The following DCDC2C variants were observed in gnomAD, a reference collection of about 807,000 sequenced individuals.
DCDC2C encodes the protein doublecortin domain-containing protein 2C.
A neutral mutation model predicts 45.0 loss-of-function variants in DCDC2C; 44 were observed. The ratio of observed to expected loss-of-function variants is 0.98; its 90% CI spans 0.77 to 1.26. The LOEUF is 1.26. Ranked by LOEUF, DCDC2C falls within the 50% of genes most tolerant of loss-of-function variation. The pLI is 0.00. For missense variants in DCDC2C, 447 were observed against 468.9 expected (o/e 0.95, Z 0.43); for synonymous variants, 187 against 178.8 (o/e 1.05, Z -0.37).
chr2:3,830,915 C>T (rs1214046784), intron 10 of DCDC2C, among the ~76,000 whole-genome samples: 1 of 152,228 alleles, frequency 6.6e-6, no homozygotes, highest in Non-Finnish European at 1.5e-5. Flanking sequence ...GCCGAACTCA[C>T]TCACTTCCTG....
intron 7 of DCDC2C, 63 bp from the exon 8 acceptor site, chr2:3,769,248 A>T (rs1670095572): frequency 6.8e-7 from 1 of 1,480,734 alleles, no homozygotes; most frequent in Non-Finnish European, 9.2e-7. Context: ...GGGTCAGGAA[A>T]TATGCAGTGG....
chr2:3,746,943 A>G (rs1298241988), intron 4 of DCDC2C, among the ~76,000 whole-genome samples: 1 of 152,058 alleles, frequency 6.6e-6, no homozygotes, highest in Non-Finnish European at 1.5e-5. Context: ...CTGTGTGGAC[A>G]ATGGCCTGGC....
chr2:3,778,905 G>A (rs1670431477), intron 9 of DCDC2C, 21 bp downstream of exon 9: 1 of 1,548,988 alleles, frequency 6.5e-7, no homozygotes. Context: ...TTTATTTTGT[G>A]TTTAATGGCT....
At chr2:3,726,331 C>G (rs928541343) in intron 2 of DCDC2C, among the ~76,000 whole-genome samples, 1 of 152,104 alleles carries the variant, frequency 6.6e-6, no homozygotes, top group Non-Finnish European at 1.5e-5. Context: ...CCAATCAGAG[C>G]TCCCCCCATT....
At chr2:3,762,379 G>T (rs1669902237) in intron 6 of DCDC2C, among the ~76,000 whole-genome samples, 1 of 152,062 alleles carries the variant, frequency 6.6e-6, no homozygotes, top group Non-Finnish European at 1.5e-5. Flanking sequence ...AGGAAGCTGT[G>T]TGTATTCATT....
chr2:3,769,563 A>T (rs1465398425), intron 8 of DCDC2C, among the ~76,000 whole-genome samples, 152 bp downstream of exon 8: 2 of 152,032 alleles, frequency 1.3e-5, no homozygotes, highest in Non-Finnish European at 2.9e-5. Context: ...CTCATCTCAG[A>T]TCCTGTGTTA....
intron 8 of DCDC2C, among the ~76,000 whole-genome samples, chr2:3,771,264 G>A (rs1180018077): frequency 6.6e-6 from 1 of 152,202 alleles, no homozygotes. Flanking sequence ...GCCTCACCTT[G>A]TCTCCCACTC....
chr2:3,789,946 C>T (rs140109187), intron 10 of DCDC2C, among the ~76,000 whole-genome samples: 80 of 152,286 alleles, frequency 5.3e-4, no homozygotes, highest in African/African-American at 1.3e-3. Context: ...GATTGATTAA[C>T]GTTGTGTGCT....
At position 3,727,092 on chromosome 2, in the gene DCDC2C, T is replaced by C. The variant is rs754218001; in HGVS notation, c.416+13T>C. The C allele has an allele frequency of 1.3e-6, 2 of 1,543,662 alleles. No individual in the cohort carries two copies. Among genetic ancestry groups the C allele is most frequent in the South Asian group, 1.2e-5 (1 of 83,768 alleles). Reference sequence around the variant, plus strand: ...CTCGACATATAAAGTGAGTATAATATTATGGGTGAAAAAATCAAACTGTGC... The same window carrying C: ...CTCGACATATAAAGTGAGTATAATACTATGGGTGAAAAAATCAAACTGTGC... On this transcript the variant is annotated intron_variant, in intron 3 of 10. Coordinates refer to ENST00000399143, the MANE Select transcript of DCDC2C (RefSeq NM_001287444.2).
At chr2:3,837,430 G>A (rs181148052) in intron 10 of DCDC2C, among the ~76,000 whole-genome samples, 95 of 152,224 alleles carry the variant, frequency 6.2e-4, no homozygotes, top group Middle Eastern at 3.4e-3. Flanking sequence ...GAATGGAGAC[G>A]CCAGGCACAG....
intron 10 of DCDC2C, among the ~76,000 whole-genome samples, chr2:3,816,862 C>T (rs1671570847): frequency 6.6e-6 from 1 of 152,154 alleles, no homozygotes; most frequent in South Asian, 2.1e-4. Context: ...AGTAGAATAG[C>T]AGATGGAACA....
chr2:3,755,474 T>TAC (rs397970831), intron 6 of DCDC2C, among the ~76,000 whole-genome samples: 5 of 151,270 alleles, frequency 3.3e-5, no homozygotes. Flanking sequence ...TATGGAGACA[T>TAC]GTGTGCATGT....
intron 3 of DCDC2C, among the ~76,000 whole-genome samples, chr2:3,739,127 A>C (rs6717145): frequency 0.021 from 3,220 of 152,346 alleles, 115 homozygotes; most frequent in African/African-American, 0.072. Flanking sequence ...ATTCAAAAAA[A>C]TTTACAGATT....
chr2:3,789,404 T>C (rs11887746), intron 10 of DCDC2C, among the ~76,000 whole-genome samples: 55,201 of 151,992 alleles, frequency 0.36, 10,457 homozygotes, highest in East Asian at 0.53. Flanking sequence ...TATACTGTAT[T>C]TATTTATATT....
At chr2:3,731,348 A>G (rs1668861961) in intron 3 of DCDC2C, among the ~76,000 whole-genome samples, 1 of 152,152 alleles carries the variant, frequency 6.6e-6, no homozygotes, top group East Asian at 1.9e-4. Context: ...AGTTTGTCAC[A>G]TTTAGCCATT....
At chr2:3,792,236 G>C (rs1670830491) in intron 10 of DCDC2C, among the ~76,000 whole-genome samples, 1 of 152,188 alleles carries the variant, frequency 6.6e-6, no homozygotes, top group South Asian at 2.1e-4. Flanking sequence ...AGCAGGAATA[G>C]GCCCTGGAGA....
chr2:3,837,185 G>T (rs140410596), intron 10 of DCDC2C, among the ~76,000 whole-genome samples: 2 of 152,166 alleles, frequency 1.3e-5, no homozygotes, highest in Non-Finnish European at 2.9e-5. Context: ...TCTCTTAAGG[G>T]CCTCTTCAGG....
chr2:3,847,243 C>T lies in DCDC2C; in HGVS notation c.*60C>T. On this transcript the variant is annotated 3_prime_UTR_variant, in exon 11 of 11. Coordinates refer to ENST00000399143, the MANE Select transcript of DCDC2C (RefSeq NM_001287444.2). ...TTCTTCAACCATGGGGCTTCCACGT[C>T]ACATATGGACATTTTAACAGCAAGA... 3.6e-6 allele frequency: 4 copies of T among 1,107,980 alleles called. No homozygotes were observed. Among genetic ancestry groups the T allele is most frequent in the Non-Finnish European group, 4.6e-6 (4 of 875,256 alleles). The allele number at this position is 1,107,980 out of a possible 1,614,324, so 68.6% of individuals were successfully genotyped here. A position where few individuals can be genotyped will look rare whatever the true frequency, so the allele number is the denominator to read the frequency against.
chr2:3,842,165 T>C (rs988311063), intron 10 of DCDC2C, among the ~76,000 whole-genome samples: 4 of 152,064 alleles, frequency 2.6e-5, no homozygotes, highest in Admixed American at 1.3e-4. Context: ...AGGGAATCCA[T>C]TGGAATGAGA....
Sources: gnomAD v4.1 joint callset for allele counts (sites outside exome capture counted in the v4.1 genomes callset) on GRCh38, gnomAD v4.1.1 for gene constraint, MANE v1.5 for transcripts, NCBI Gene and HGNC (gene_info 2026-07-23, HGNC 2026-07-21) for gene names.